The following RSPRY1 variants were observed in gnomAD, a reference collection of about 807,000 sequenced individuals.
RSPRY1 encodes the protein ring finger and SPRY domain containing 1.
Under a neutral mutation model 73.1 loss-of-function variants are expected in RSPRY1, and 23 were observed. That is an observed-to-expected ratio of 0.31 (90% confidence interval 0.23 to 0.45). The LOEUF (loss-of-function observed/expected upper bound fraction) is 0.45, where lower values mean the gene tolerates loss of function less well. RSPRY1 is among the 20% of genes least tolerant of loss of function. The pLI is 1.00. For missense variants in RSPRY1, 448 were observed against 698.7 expected (o/e 0.64, Z 4.05); for synonymous variants, 226 against 251.4 (o/e 0.90, Z 0.95).
At chr16:57,228,650 A>G (rs757733654) in intron 11 of RSPRY1, among the ~76,000 whole-genome samples, 2 of 152,174 alleles carry the variant, frequency 1.3e-5, no homozygotes, top group Non-Finnish European at 1.5e-5. Context: ...GTTATACTTA[A>G]TACCTTGAAC....
At chr16:57,209,970 C>T (rs1199108052) in intron 4 of RSPRY1, among the ~76,000 whole-genome samples, 2 of 152,092 alleles carry the variant, frequency 1.3e-5, no homozygotes, top group Admixed American at 6.5e-5. Flanking sequence ...GCCACTGTGC[C>T]CCGCCACATT....
intron 6 of RSPRY1, among the ~76,000 whole-genome samples, 185 bp from the exon 7 acceptor site, chr16:57,215,922 G>A (rs2146300378): frequency 6.6e-6 from 1 of 152,276 alleles, no homozygotes; most frequent in Middle Eastern, 3.4e-3. Flanking sequence ...GATTAAGAGA[G>A]CCTGTCCAGT....
intron 13 of RSPRY1, among the ~76,000 whole-genome samples, chr16:57,234,778 A>C (rs1326607939): frequency 6.6e-6 from 1 of 152,232 alleles, no homozygotes; most frequent in Non-Finnish European, 1.5e-5. Flanking sequence ...TATGCTTGTG[A>C]GCAGACTCTC....
chr16:57,200,956 G>T (rs1274185927), intron 1 of RSPRY1, among the ~76,000 whole-genome samples: 13 of 136,198 alleles, frequency 9.5e-5, no homozygotes, highest in African/African-American at 2.4e-4. Context: ...CCGGGGGGGG[G>T]GGGGGCTGAC....
intron 6 of RSPRY1, among the ~76,000 whole-genome samples, chr16:57,214,346 C>T (rs2074900200): frequency 6.6e-6 from 1 of 152,176 alleles, no homozygotes; most frequent in Admixed American, 6.5e-5. Context: ...TCCCTGCCCT[C>T]CCCCTCACTG....
intron 4 of RSPRY1, among the ~76,000 whole-genome samples, chr16:57,211,266 TAAAAAAA>T (rs531084194): frequency 2.2e-5 from 3 of 133,880 alleles, no homozygotes; most frequent in Non-Finnish European, 4.8e-5. Flanking sequence ...TTGTCTCTGT[TAAAAAAA>T]AAAAAAAAAA....
intron 1 of RSPRY1, among the ~76,000 whole-genome samples, chr16:57,196,627 C>T (rs193174871): frequency 5.3e-5 from 8 of 152,214 alleles, no homozygotes; most frequent in Non-Finnish European, 8.8e-5. Flanking sequence ...AGCTACAATC[C>T]CTCCCAAGAT....
chr16:57,237,199 A>G (rs1367193461), intron 14 of RSPRY1, among the ~76,000 whole-genome samples: 1 of 151,400 alleles, frequency 6.6e-6, no homozygotes, highest in African/African-American at 2.4e-5. Context: ...GCTGGAGTAC[A>G]GTGGTGTGAT....
Position 57,216,985 on chromosome 16 carries a change from A to G in RSPRY1, c.851A>G (p.Tyr284Cys). 5.0e-6 allele frequency: 8 copies of G among 1,614,134 alleles called. No homozygotes were observed. Among genetic ancestry groups the G allele is most frequent in the Non-Finnish European group, 6.8e-6 (8 of 1,179,966 alleles). Residue 284 changes from tyrosine (Y) to cysteine (C), a missense_variant, in exon 8 of 15, where the codon TAT becomes TGT. Physicochemically the swap from Tyr to Cys is radical, Grantham distance 194. Coordinates refer to ENST00000394420, the MANE Select transcript of RSPRY1 (RefSeq NM_133368.3). Reference sequence around the variant, plus strand: ...GAGTCCTGGGCTAATGATCCTGATTATCTGAAACGTCAAGTTGGTTTCTGT... The same window carrying G: ...GAGTCCTGGGCTAATGATCCTGATTGTCTGAAACGTCAAGTTGGTTTCTGT... ...TLESWANDPD[Y>C]LKRQVGFCAQ...
intron 13 of RSPRY1, among the ~76,000 whole-genome samples, chr16:57,231,618 C>T (rs1394853223): frequency 3.3e-5 from 5 of 152,090 alleles, no homozygotes; most frequent in Non-Finnish European, 5.9e-5. Context: ...CCCAGAAAGA[C>T]GGAACACTTT....
chr16:57,200,321 G>A (rs1429163510), intron 1 of RSPRY1, among the ~76,000 whole-genome samples: 1 of 151,442 alleles, frequency 6.6e-6, no homozygotes, highest in African/African-American at 2.4e-5. Context: ...ACACAGACAT[G>A]GCAACCATCC....
intron 2 of RSPRY1, 158 bp downstream of exon 2, chr16:57,205,166 AATG>A (rs2074701602): frequency 1.7e-6 from 1 of 599,966 alleles, no homozygotes; most frequent in African/African-American, 1.9e-5. Context: ...TGGCAGAGTA[AATG>A]ATAAGATTTG....
chr16:57,237,529 C>G (rs999554821), intron 14 of RSPRY1, among the ~76,000 whole-genome samples: 3 of 152,052 alleles, frequency 2.0e-5, no homozygotes, highest in Admixed American at 2.0e-4. Flanking sequence ...GCTGAGAAAG[C>G]ATTTGTTAAA....
At chr16:57,202,328 T>C (rs1332931742) in intron 1 of RSPRY1, among the ~76,000 whole-genome samples, 1 of 152,158 alleles carries the variant, frequency 6.6e-6, no homozygotes, top group East Asian at 1.9e-4. Flanking sequence ...ATCAGTGAAA[T>C]TTCTGTGAGA....
At position 57,217,007 on chromosome 16, in the gene RSPRY1, C is replaced by G; in HGVS notation, c.873C>G (p.Phe291Leu). Reference sequence around the variant, plus strand: ...ATTATCTGAAACGTCAAGTTGGTTTCTGTGCCCAGTGGAGCTTAGACAATC... The same window carrying G: ...ATTATCTGAAACGTCAAGTTGGTTTGTGTGCCCAGTGGAGCTTAGACAATC... ...DPDYLKRQVG[F>L]CAQWSLDNLF... The change falls in exon 8 of 15, where the codon TTC becomes TTG. Residue 291 changes from phenylalanine (F) to leucine (L), a missense_variant. Phe to Leu is a conservative substitution (Grantham distance 22, BLOSUM62 0). Coordinates refer to ENST00000394420, the MANE Select transcript of RSPRY1 (RefSeq NM_133368.3). 1 of 1,614,148 alleles carries G rather than the reference C, an allele frequency of 6.2e-7. No homozygotes were observed. Among genetic ancestry groups the G allele is most frequent in the African/African-American group, 1.3e-5 (1 of 75,018 alleles).
intron 1 of RSPRY1, among the ~76,000 whole-genome samples, chr16:57,197,572 A>T (rs1223076591): frequency 6.6e-6 from 1 of 152,120 alleles, no homozygotes; most frequent in Non-Finnish European, 1.5e-5. Flanking sequence ...TTCTCTGACA[A>T]ATTTTATAGT....
intron 4 of RSPRY1, among the ~76,000 whole-genome samples, chr16:57,210,824 C>T (rs1187776892): frequency 5.9e-5 from 9 of 151,938 alleles, no homozygotes; most frequent in Admixed American, 5.9e-4. Context: ...TCAAGACCAG[C>T]CTGGCAACAT....
At chr16:57,209,023 C>G in intron 3 of RSPRY1, 52 bp from the exon 4 acceptor site, 1 of 1,233,316 alleles carries the variant, frequency 8.1e-7, no homozygotes, top group Admixed American at 2.0e-5. Flanking sequence ...GACATATTTT[C>G]ACATTTTAAA....
Position 57,230,041 on chromosome 16 carries a change from T to C in RSPRY1, c.1274-670T>C, listed in dbSNP as rs1342858229. 6.1e-4 allele frequency among the ~76,000 whole-genome samples: 75 copies of C among 123,462 alleles called. No homozygotes were observed. The Middle Eastern group carries it at 0.021, about 34-fold the overall frequency. 81.0% of individuals were successfully genotyped at this position (123,462 alleles called of 152,430 possible). On this transcript the variant is annotated intron_variant, in intron 11 of 14. Transcript: ENST00000394420. ...TTTTTTTTTTTTTGAGATGGATTTT[T>C]GCCCCGTCACCCAGGCTGGAGTGCA... is the stretch of plus-strand genomic sequence containing the variant.
Sources: gnomAD v4.1 joint callset for allele counts (sites outside exome capture counted in the v4.1 genomes callset) on GRCh38, gnomAD v4.1.1 for gene constraint, MANE v1.5 for transcripts, NCBI Gene and HGNC (gene_info 2026-07-23, HGNC 2026-07-21) for gene names.